The following TENM2 variants were observed in gnomAD, a reference collection of about 807,000 sequenced individuals.
The protein encoded by TENM2 is teneurin transmembrane protein 2.
TENM2 carries 52 observed loss-of-function variants against 245.2 expected under a neutral mutation model. The observed-to-expected ratio is 0.21, with a 90% CI of 0.17 to 0.27. TENM2 has a LOEUF of 0.27. Among genes scored for constraint, TENM2 ranks in the 10% least tolerant of loss-of-function variants. The pLI, the probability that TENM2 is intolerant of heterozygous loss-of-function variation, is 1.00. For missense variants in TENM2, 3,046 were observed against 3,666.8 expected (o/e 0.83, Z 4.37); for synonymous variants, 1,363 against 1,438.9 (o/e 0.95, Z 1.19).
At chr5:167,401,852 G>A (rs1762383622) in intron 2 of TENM2, among the ~76,000 whole-genome samples, 1 of 151,998 alleles carries the variant, frequency 6.6e-6, no homozygotes, top group African/African-American at 2.4e-5. Flanking sequence ...ACTTTCTCTT[G>A]TCTTTGTCAT....
chr5:167,008,705 A>G, the TENM2 span, among the ~76,000 whole-genome samples: 1 of 152,112 alleles, frequency 6.6e-6, no homozygotes, highest in Non-Finnish European at 1.5e-5. Flanking sequence ...CTCAGATACC[A>G]TCTAGGAGGA....
rs950320899 is a variant in TENM2, at chr5:167,818,823, G to A, written c.503-57163G>A. ...AACCCTATTCAAAAAATTACAACGCGGGTTGAATTCCTTAGTGGGGAGGAT... is the reference window on the plus strand; with the variant it reads ...AACCCTATTCAAAAAATTACAACGCAGGTTGAATTCCTTAGTGGGGAGGAT... On this transcript the variant is annotated intron_variant, in intron 2 of 28. Coordinates refer to ENST00000518659, the Ensembl canonical transcript of TENM2. 4.6e-5 allele frequency among the ~76,000 whole-genome samples: 7 copies of A among 152,228 alleles called. No homozygotes were observed. The South Asian group carries it at 1.2e-3, about 27-fold the overall frequency.
chr5:168,070,821 A>AGAGAG lies in TENM2; in HGVS notation c.1515+8556_1515+8557insGAGAG, dbSNP rs1562121012. 3.4e-3 allele frequency among the ~76,000 whole-genome samples: 345 copies of AGAGAG among 100,444 alleles called. 4 individuals are homozygous for AGAGAG. Among genetic ancestry groups the AGAGAG allele is most frequent in the African/African-American group, 7.2e-3 (215 of 29,924 alleles). 65.9% of individuals were successfully genotyped at this position (100,444 alleles called of 152,430 possible). A position where few individuals can be genotyped will look rare whatever the true frequency, so the allele number is the denominator to read the frequency against. Reference sequence around the variant, plus strand: ...AGAGAGAGAGAGAGAGAGAGAGAGAAAAAAAGAAAGAAGAAAAAGAAAAAG... The same window carrying AGAGAG: ...AGAGAGAGAGAGAGAGAGAGAGAGAAGAGAGAAAAAGAAAGAAGAAAAAGAAAAAG... On this transcript the variant is annotated intron_variant, in intron 7 of 28. Coordinates refer to ENST00000518659, the Ensembl canonical transcript of TENM2.
At chr5:167,268,936 A>C in the TENM2 span, among the ~76,000 whole-genome samples, 7 of 149,452 alleles carry the variant, frequency 4.7e-5, no homozygotes, top group South Asian at 1.3e-3. Context: ...ATAGACAGAC[A>C]TTTTTTTTTT....
At chr5:167,195,134 AAAAAG>A in the TENM2 span, among the ~76,000 whole-genome samples, 1 of 152,172 alleles carries the variant, frequency 6.6e-6, no homozygotes, top group East Asian at 1.9e-4. Flanking sequence ...TCTCAGTGGG[AAAAAG>A]TGCCCCCACC....
chr5:167,444,095 A>T (rs1016093425), intron 2 of TENM2, among the ~76,000 whole-genome samples: 1 of 152,148 alleles, frequency 6.6e-6, no homozygotes, highest in African/African-American at 2.4e-5. Context: ...GATAAGTAAG[A>T]TAGTCTCCAG....
chr5:167,925,833 C>T (rs902529508), intron 3 of TENM2, among the ~76,000 whole-genome samples: 5 of 152,208 alleles, frequency 3.3e-5, no homozygotes, highest in Admixed American at 2.6e-4. Context: ...GGCCATTATC[C>T]TTGGCAAACT....
chr5:167,731,704 T>G (rs1476615150), intron 2 of TENM2, among the ~76,000 whole-genome samples: 1 of 151,634 alleles, frequency 6.6e-6, no homozygotes, highest in Non-Finnish European at 1.5e-5. Context: ...GAGGTTTTTT[T>G]TTTTTTTTTT....
intron 2 of TENM2, among the ~76,000 whole-genome samples, chr5:167,666,704 T>A (rs1318576267): frequency 6.6e-6 from 1 of 152,216 alleles, no homozygotes; most frequent in Admixed American, 6.5e-5. Context: ...TTTTCACAAA[T>A]GGTCTGAAAT....
intron 1 of TENM2, among the ~76,000 whole-genome samples, chr5:167,370,807 T>C (rs1324660540): frequency 6.6e-6 from 1 of 152,188 alleles, no homozygotes; most frequent in Non-Finnish European, 1.5e-5. Context: ...TTCTGAAAGA[T>C]AGTAAAGAAG....
At chr5:167,060,376 G>A in the TENM2 span, among the ~76,000 whole-genome samples, 4,539 of 152,110 alleles carry the variant, frequency 0.03, 233 homozygotes, top group African/African-American at 0.1. Flanking sequence ...AAGAAGGCCA[G>A]GCGCTGTGGG....
At chr5:167,823,425 G>A (rs980317705) in intron 2 of TENM2, among the ~76,000 whole-genome samples, 56 of 152,066 alleles carry the variant, frequency 3.7e-4, no homozygotes, top group Non-Finnish European at 1.5e-4. Flanking sequence ...CAATGTACAA[G>A]TCTACAAACC....
chr5:167,781,375 G>A (rs922947362), intron 2 of TENM2, among the ~76,000 whole-genome samples: 1 of 152,162 alleles, frequency 6.6e-6, no homozygotes. Context: ...GGAGCAAAAT[G>A]TGTTAATACA....
At chr5:167,629,246 T>G in intron 2 of TENM2, among the ~76,000 whole-genome samples, 1 of 152,214 alleles carries the variant, frequency 6.6e-6, no homozygotes, top group African/African-American at 2.4e-5. Context: ...TACTACTTTC[T>G]AGATCTGTGA....
At chr5:168,207,048 A>C (rs1417775533) in intron 19 of TENM2, among the ~76,000 whole-genome samples, 1 of 152,070 alleles carries the variant, frequency 6.6e-6, no homozygotes, top group Non-Finnish European at 1.5e-5. Context: ...ACGTAGCCTG[A>C]TCTCCCCAGC....
exon 10 of TENM2, chr5:168,118,434 T>G: frequency 6.2e-7 from 1 of 1,608,122 alleles, no homozygotes; most frequent in Non-Finnish European, 8.5e-7. Context: ...GCTCCTGCAT[T>G]GATGGGAACT....
At chr5:167,403,487 C>G (rs1190486280) in intron 2 of TENM2, among the ~76,000 whole-genome samples, 1 of 152,020 alleles carries the variant, frequency 6.6e-6, no homozygotes, top group Non-Finnish European at 1.5e-5. Context: ...AATGATTTCC[C>G]CAGCTTAGTT....
At chr5:167,336,125 A>G (rs1436444114) in intron 1 of TENM2, among the ~76,000 whole-genome samples, 1 of 150,742 alleles carries the variant, frequency 6.6e-6, no homozygotes, top group Non-Finnish European at 1.5e-5. Context: ...TGGTGCCTGC[A>G]CATTTACAAA....
At chr5:166,979,798 A>C in the TENM2 span, among the ~76,000 whole-genome samples, 2 of 151,878 alleles carry the variant, frequency 1.3e-5, no homozygotes, top group Non-Finnish European at 2.9e-5. Flanking sequence ...GGGAGGGGAA[A>C]GATTGCTAGA....
Sources: allele counts gnomAD v4.1 joint callset (sites outside exome capture counted in the v4.1 genomes callset), GRCh38; gene constraint gnomAD v4.1.1; transcripts MANE v1.5; gene names NCBI Gene and HGNC (gene_info 2026-07-23, HGNC 2026-07-21).